The following DHX30 variants were observed in gnomAD, a reference collection of about 807,000 sequenced individuals.
DHX30 encodes ATP-dependent RNA helicase DHX30.
In DHX30, 4 loss-of-function variants were observed where a neutral mutation model predicts 116.9. The observed-to-expected ratio is 0.03, with a 90% CI of 0.02 to 0.08. The LOEUF (loss-of-function observed/expected upper bound fraction) is 0.08, where lower values mean the gene tolerates loss of function less well. Among genes scored for constraint, DHX30 ranks in the 10% least tolerant of loss-of-function variants. DHX30 has a pLI of 1.00. For missense variants in DHX30, 871 were observed against 1,595.1 expected (o/e 0.55, Z 7.73); for synonymous variants, 697 against 651.7 (o/e 1.07, Z -1.06).
intron 5 of DHX30, 150 bp from the exon 6 acceptor site, chr3:47,828,874 G>T (rs1576488240): frequency 2.7e-5 from 17 of 631,336 alleles, no homozygotes; most frequent in South Asian, 2.5e-4. Context: ...TGGGATTGGG[G>T]TTCTGTCCTC....
intron 3 of DHX30, among the ~76,000 whole-genome samples, chr3:47,815,801 A>C (rs2106959786): frequency 6.7e-6 from 1 of 149,242 alleles, no homozygotes; most frequent in African/African-American, 2.4e-5. Context: ...AAAACACTGG[A>C]TCAATAGCAA....
intron 6 of DHX30, among the ~76,000 whole-genome samples, chr3:47,835,259 C>T (rs2037054129): frequency 6.6e-6 from 1 of 151,410 alleles, no homozygotes; most frequent in South Asian, 2.1e-4. Context: ...CTGCAACCTC[C>T]GTCTCCTGGG....
intron 2 of DHX30, among the ~76,000 whole-genome samples, chr3:47,810,253 C>T (rs1372352080): frequency 6.6e-6 from 1 of 152,144 alleles, no homozygotes; most frequent in Non-Finnish European, 1.5e-5. Context: ...TGTAGAATTT[C>T]GTTTCTTCCT....
At chr3:47,803,615 CT>C (rs2035392423) in intron 1 of DHX30, among the ~76,000 whole-genome samples, 2 of 152,326 alleles carry the variant, frequency 1.3e-5, no homozygotes, top group South Asian at 4.1e-4. Flanking sequence ...CCTTTGTCTA[CT>C]TCTCCTCCTT....
intron 4 of DHX30, chr3:47,824,755 TCCC>T (rs1218248352): frequency 5.6e-6 from 2 of 359,866 alleles, no homozygotes; most frequent in Non-Finnish European, 9.9e-6. Flanking sequence ...AGCATTATTT[TCCC>T]CCCAACAGCC....
intron 6 of DHX30, among the ~76,000 whole-genome samples, chr3:47,834,040 G>T (rs191024848): frequency 2.0e-4 from 31 of 152,164 alleles, no homozygotes; most frequent in Admixed American, 5.2e-4. Flanking sequence ...GTAACTACCA[G>T]GTCTACTCTG....
intron 8 of DHX30, 127 bp from the exon 9 acceptor site, chr3:47,842,979 G>C: frequency 8.2e-7 from 1 of 1,214,238 alleles, no homozygotes; most frequent in Non-Finnish European, 1.2e-6. Flanking sequence ...CTCTAGCATG[G>C]CTCACGCCTG....
At chr3:47,807,962 G>A (rs2035608620) in intron 2 of DHX30, among the ~76,000 whole-genome samples, 2 of 151,832 alleles carry the variant, frequency 1.3e-5, no homozygotes, top group South Asian at 4.1e-4. Flanking sequence ...CCAGCCTGCA[G>A]TGCAGTGGCG....
In DHX30 at chr3:47,846,818, C is replaced by A. The variant is rs1298300735; in HGVS notation, c.1746C>A (p.Asn582Lys). The A allele has an allele frequency of 6.2e-7, 1 of 1,613,108 alleles. No individual in the cohort carries two copies. Among genetic ancestry groups the A allele is most frequent in the East Asian group, 2.2e-5 (1 of 44,852 alleles). Residue 582 changes from asparagine (N) to lysine (K), a missense_variant, in exon 11 of 22, where the codon AAC becomes AAA. By Grantham distance (94) the Asn-to-Lys change is moderately conservative. This residue lies in a region of DHX30 where 22 missense variants were observed against 18.8 expected (regional missense o/e 1.17). Transcript: ENST00000445061. ...TGCTCAAGGGCCTGCAGCGGCTCAA[C>A]CCGGCCCTGCGGCTGGTGCTCATGA... is the stretch of plus-strand genomic sequence containing the variant. ...LILLKGLQRLNPALRLVLMSA... is the reference protein window; with the variant it reads ...LILLKGLQRLKPALRLVLMSA...
chr3:47,846,635 G>C lies in DHX30; in HGVS notation c.1563G>C (p.Leu521Phe). The C allele has an allele frequency of 1.9e-6, 3 of 1,614,064 alleles. No homozygotes were observed. Among genetic ancestry groups the C allele is most frequent in the Non-Finnish European group, 2.5e-6 (3 of 1,179,978 alleles). ...GGAATGTGGGCTTCCAGGTGCGGTT[G>C]GAAAGTAAGCCCCCATCCCGAGGCG... is the stretch of plus-strand genomic sequence containing the variant. ...LRRNVGFQVR[L>F]ESKPPSRGGA... is the part of the protein sequence containing the mutation. The change falls in exon 11 of 22, where the codon TTG (leucine) becomes TTC (phenylalanine). Residue 521 changes from leucine to phenylalanine, a missense_variant. By Grantham distance (22) the Leu-to-Phe change is conservative (BLOSUM62 0). Coordinates refer to ENST00000445061, the MANE Select transcript of DHX30 (RefSeq NM_138615.3).
In DHX30 at chr3:47,849,883, C is replaced by T; in HGVS notation, c.3348C>T (p.Ala1116=). 6.2e-7 allele frequency: 1 copy of T among 1,612,914 alleles called. No homozygotes were observed. The highest frequency in any genetic ancestry group is 1.1e-5 in the South Asian group (1 of 91,014). Reference sequence around the variant, plus strand: ...TTCCCTCAGATGACGGGCGCCGGGCCACCATCTCACTGAGCGACAGTGACC... The same window carrying T: ...TTCCCTCAGATGACGGGCGCCGGGCTACCATCTCACTGAGCGACAGTGACC... ...DVHIRDDGRR[A]TISLSDSDLL... The change falls in exon 22 of 22, where the codon GCC becomes GCT. Residue 1116 remains alanine (A), a synonymous_variant. Transcript: ENST00000445061.
chr3:47,848,833 T>C lies in DHX30; in HGVS notation c.2769+16T>C, dbSNP rs1438046262. 3 of 1,603,372 alleles carry C rather than the reference T, an allele frequency of 1.9e-6. No individual in the cohort carries two copies. In the South Asian group the frequency reaches 3.3e-5, roughly 18 times the overall value. ...GGTGGACAAGGTCAGTCCTGGCTCC[T>C]TCCTGGAGCCGTCCACCCACTGCTG... On this transcript the variant is annotated intron_variant, in intron 17 of 21. Transcript: ENST00000445061. This position sits in a 1 kb window ranked among gnomAD's most constrained non-coding sequence, Gnocchi z 9.4.
chr3:47,813,037 A>G (rs1037860029), intron 3 of DHX30, among the ~76,000 whole-genome samples: 2 of 151,438 alleles, frequency 1.3e-5, no homozygotes, highest in Admixed American at 1.3e-4. Flanking sequence ...GTTAGTGATC[A>G]TAGAAACTCT....
At chr3:47,814,634 C>CTT (rs2035967963) in intron 3 of DHX30, among the ~76,000 whole-genome samples, 1 of 151,638 alleles carries the variant, frequency 6.6e-6, no homozygotes, top group Non-Finnish European at 1.5e-5. Context: ...CATTTTTCTG[C>CTT]CTCAGCCTCC....
Position 47,848,540 on chromosome 3 carries a change from C to T in DHX30, c.2565C>T (p.Leu855=), listed in dbSNP as rs1472496780. The T allele has an allele frequency of 3.1e-6, 5 of 1,613,720 alleles. No individual in the cohort carries two copies. In the East Asian group the frequency reaches 8.9e-5, roughly 29 times the overall value. Residue 855 remains leucine (L), a synonymous_variant, in exon 16 of 22, where the codon CTC becomes CTT. Transcript: ENST00000445061. This position sits in a 1 kb window ranked among gnomAD's most constrained non-coding sequence, Gnocchi z 9.4. ...IKAVDEAVIL[L]QEIGVLDQRE... The stretch of plus-strand genomic sequence containing the variant: ...CAGTGGACGAGGCTGTGATCTTGCT[C>T]CAGGAGATCGGTATGTAGGGGCTGG...
intron 6 of DHX30, among the ~76,000 whole-genome samples, chr3:47,838,812 G>A (rs1021544337): frequency 2.0e-5 from 3 of 152,260 alleles, no homozygotes; most frequent in African/African-American, 2.4e-5. Flanking sequence ...TCTCACCCAC[G>A]TCTTTGTTCC....
intron 6 of DHX30, among the ~76,000 whole-genome samples, chr3:47,832,377 G>A (rs1021704189): frequency 1.3e-5 from 2 of 152,072 alleles, no homozygotes; most frequent in Admixed American, 6.6e-5. Flanking sequence ...GATTGAGATG[G>A]GGTCTAGCTA....
chr3:47,809,067 T>A (rs1239045726), intron 2 of DHX30, among the ~76,000 whole-genome samples: 1 of 151,816 alleles, frequency 6.6e-6, no homozygotes, highest in Non-Finnish European at 1.5e-5. Context: ...TTTTTGTATT[T>A]TTTTAGTAGA....
intron 3 of DHX30, among the ~76,000 whole-genome samples, chr3:47,814,748 C>A (rs895162167): frequency 1.3e-5 from 2 of 152,098 alleles, no homozygotes; most frequent in African/African-American, 2.4e-5. Context: ...CCTCAGTCTC[C>A]TGACCTCATG....
Sources: allele counts gnomAD v4.1 joint callset (sites outside exome capture counted in the v4.1 genomes callset), GRCh38; gene constraint gnomAD v4.1.1; regional missense constraint gnomAD v4.1.1; non-coding constraint Gnocchi (gnomAD v3.1); transcripts MANE v1.5; gene names NCBI Gene and HGNC (gene_info 2026-07-23, HGNC 2026-07-21).